TGFBRAP1: variants seen among roughly 807,000 people sequenced by gnomAD.
TGFBRAP1 encodes transforming growth factor beta receptor associated protein 1, also known as transforming growth factor-beta receptor-associated protein 1.
Under a neutral mutation model 83.2 loss-of-function variants are expected in TGFBRAP1, and 20 were observed. That is an observed-to-expected ratio of 0.24 (90% CI 0.17 to 0.35). The LOEUF (loss-of-function observed/expected upper bound fraction) is 0.35. Ranked by LOEUF, TGFBRAP1 falls within the 10% of genes least tolerant of loss-of-function variation. The pLI, the probability that TGFBRAP1 is intolerant of heterozygous loss-of-function variation, is 1.00. For synonymous variants in TGFBRAP1, 415 were observed against 459.8 expected (o/e 0.90, Z 1.25); for missense variants, 950 against 1,099.4 (o/e 0.86, Z 1.92).
intron 1 of TGFBRAP1, among the ~76,000 whole-genome samples, chr2:105,327,043 T>C (rs1003085690): frequency 2.0e-5 from 3 of 152,220 alleles, no homozygotes; most frequent in Non-Finnish European, 4.4e-5. Context: ...AGCCAAATTA[T>C]TCGGCAGTAT....
At chr2:105,314,529 C>T (rs142745686) in intron 1 of TGFBRAP1, among the ~76,000 whole-genome samples, 25,866 of 151,650 alleles carry the variant, frequency 0.17, 2,746 homozygotes, top group Middle Eastern at 0.23. Context: ...GGATTACAGG[C>T]GTGAGCCACC....
intron 8 of TGFBRAP1, 76 bp downstream of exon 8, chr2:105,275,484 C>T: frequency 1.3e-6 from 2 of 1,555,778 alleles, no homozygotes; most frequent in Non-Finnish European, 1.7e-6. Flanking sequence ...TTTTCCCCTC[C>T]TAAAAGCAAA....
At chr2:105,277,013 G>A (rs1429448458) in intron 7 of TGFBRAP1, among the ~76,000 whole-genome samples, 1 of 152,184 alleles carries the variant, frequency 6.6e-6, no homozygotes, top group Non-Finnish European at 1.5e-5. Context: ...CCCCCTGAGA[G>A]TGTGAGATGA....
chr2:105,275,610 C>T lies in TGFBRAP1; in HGVS notation c.1615G>A (p.Glu539Lys), dbSNP rs377097467. ...IVDFLTYCLD[E>K]ELVWAYADWV... ...TCAGCATAGGCCCACACTAGTTCCT[C>T]GTCTAAGCAGTAGGTAAGAAAATCC... The change falls in exon 8 of 12, where the codon GAG (glutamate) becomes AAG (lysine). Residue 539 changes from glutamate (E) to lysine (K), a missense_variant. Transcript: ENST00000393359. 1.2e-5 allele frequency: 19 copies of T among 1,614,014 alleles called. No individual in the cohort carries two copies. The highest frequency in any genetic ancestry group is 6.7e-5 in the African/African-American group (5 of 74,888).
intron 7 of TGFBRAP1, 44 bp downstream of exon 7, chr2:105,277,570 A>G: frequency 1.3e-6 from 2 of 1,599,440 alleles, no homozygotes; most frequent in Non-Finnish European, 1.7e-6. Context: ...TATTACTTAC[A>G]TGGTGCTGAT....
intron 10 of TGFBRAP1, among the ~76,000 whole-genome samples, chr2:105,270,243 A>C (rs773033409): frequency 1.3e-5 from 2 of 152,212 alleles, no homozygotes; most frequent in Non-Finnish European, 2.9e-5. Flanking sequence ...ACTCAACAGA[A>C]GGTTGCCAAT....
At chr2:105,277,249 C>G (rs1407756036) in intron 7 of TGFBRAP1, among the ~76,000 whole-genome samples, 2 of 152,202 alleles carry the variant, frequency 1.3e-5, no homozygotes, top group Non-Finnish European at 2.9e-5. Context: ...TCATTGGCAA[C>G]AGTGATCATC....
chr2:105,312,826 T>G (rs1327174345), intron 1 of TGFBRAP1, among the ~76,000 whole-genome samples: 1 of 152,204 alleles, frequency 6.6e-6, no homozygotes, highest in East Asian at 1.9e-4. Context: ...AACTGATGAC[T>G]TTTGGCCGGG....
chr2:105,281,566 C>T (rs1373718195), intron 5 of TGFBRAP1, among the ~76,000 whole-genome samples: 2 of 152,222 alleles, frequency 1.3e-5, no homozygotes, highest in Non-Finnish European at 1.5e-5. Context: ...CCCTTCCTTC[C>T]ACTTCACTCA....
chr2:105,250,577 TCTCCCTCCTCTCCC>T, the TGFBRAP1 span, among the ~76,000 whole-genome samples: 3 of 89,808 alleles, frequency 3.3e-5, no homozygotes, highest in African/African-American at 1.9e-4. Flanking sequence ...CTCCTCTCCC[TCTCCCTCCTCTCCC>T]TCTCCCTCCT....
At chr2:105,288,107 G>A (rs1677777123) in intron 4 of TGFBRAP1, among the ~76,000 whole-genome samples, 1 of 152,148 alleles carries the variant, frequency 6.6e-6, no homozygotes, top group Non-Finnish European at 1.5e-5. Flanking sequence ...GTAAAAACTG[G>A]GTAGGTCAAA....
In TGFBRAP1 at chr2:105,269,267, C is replaced by T. The variant is rs570014792; in HGVS notation, c.2406+5G>A. Reference sequence around the variant, plus strand: ...AGGAAGCAGCTCGTGGGGGCCAGCACTTACCTTATCGTAGGTGTAGATTAA... The same window carrying T: ...AGGAAGCAGCTCGTGGGGGCCAGCATTTACCTTATCGTAGGTGTAGATTAA... On this transcript the variant is annotated splice_donor_5th_base_variant and intron_variant, in intron 11 of 11. Transcript: ENST00000393359. This position sits in a 1 kb window ranked among gnomAD's most constrained non-coding sequence, Gnocchi z 4.1. 1.3e-6 allele frequency: 2 copies of T among 1,592,324 alleles called. No homozygotes were observed. The highest frequency in any genetic ancestry group is 2.2e-5 in the South Asian group (2 of 89,336).
At position 105,265,992 on chromosome 2, in the gene TGFBRAP1, G is replaced by T. The variant is rs1676918033; in HGVS notation, c.*1391C>A. On this transcript the variant is annotated 3_prime_UTR_variant, in exon 12 of 12. Transcript: ENST00000393359. The stretch of plus-strand genomic sequence containing the variant: ...TTGTCATATGTACAAGCTGACGCTT[G>T]TTTCCCAAGCATGATAGTAGTGGGT... 6.6e-6 allele frequency: 1 copy of T among 152,240 alleles called. No individual in the cohort carries two copies. The highest frequency in any genetic ancestry group is 2.4e-5 in the African/African-American group (1 of 41,452). The allele number at this position is 152,240 out of a possible 1,614,324, so 9.4% of individuals were successfully genotyped here. A position where few individuals can be genotyped will look rare whatever the true frequency, so the allele number is the denominator to read the frequency against.
Position 105,308,206 on chromosome 2 carries a change from G to A in TGFBRAP1, c.96C>T (p.Cys32=). The A allele has an allele frequency of 1.9e-6, 3 of 1,614,188 alleles. No individual in the cohort carries two copies. The highest frequency in any genetic ancestry group is 2.5e-6 in the Non-Finnish European group (3 of 1,180,040). ...KERVNIECVE[C]CGRDLYVGTN... The stretch of plus-strand genomic sequence containing the variant: ...TGCCCACGTAGAGGTCCCTGCCGCA[G>A]CACTCCACGCACTCTATGTTGACGC... The change falls in exon 2 of 12, where the codon TGC becomes TGT. Residue 32 remains cysteine, a synonymous_variant. Coordinates refer to ENST00000393359, the MANE Select transcript of TGFBRAP1 (RefSeq NM_004257.6).
intron 1 of TGFBRAP1, among the ~76,000 whole-genome samples, chr2:105,315,334 C>A: frequency 6.6e-6 from 1 of 152,032 alleles, no homozygotes; most frequent in East Asian, 1.9e-4. Flanking sequence ...TCAAAACAGT[C>A]TTGAAAATGA....
At chr2:105,322,639 G>A (rs1029512689) in intron 1 of TGFBRAP1, among the ~76,000 whole-genome samples, 1 of 152,152 alleles carries the variant, frequency 6.6e-6, no homozygotes, top group African/African-American at 2.4e-5. Context: ...CAGGACAGTA[G>A]CATGCTGTAT....
chr2:105,298,808 T>C, intron 2 of TGFBRAP1, 103 bp from the exon 3 acceptor site: 2 of 1,094,762 alleles, frequency 1.8e-6, no homozygotes, highest in Non-Finnish European at 2.5e-6. Context: ...ACCAGCAATT[T>C]TCCTGTACAG....
intron 10 of TGFBRAP1, among the ~76,000 whole-genome samples, chr2:105,270,246 T>C (rs990518214): frequency 1.3e-5 from 2 of 152,206 alleles, no homozygotes; most frequent in African/African-American, 4.8e-5. Context: ...CAACAGAAGG[T>C]TGCCAATAAT....
chr2:105,305,075 G>A (rs890375052), intron 2 of TGFBRAP1, among the ~76,000 whole-genome samples: 3 of 152,146 alleles, frequency 2.0e-5, no homozygotes, highest in South Asian at 2.1e-4. Flanking sequence ...TATGGGCTTC[G>A]GGTGCTAATG....
Sources: gnomAD v4.1 joint callset for allele counts (sites outside exome capture counted in the v4.1 genomes callset) on GRCh38, gnomAD v4.1.1 for gene constraint, Gnocchi (gnomAD v3.1) non-coding constraint, MANE v1.5 for transcripts, NCBI Gene and HGNC (gene_info 2026-07-23, HGNC 2026-07-21) for gene names.